ITPR1: variants seen among roughly 807,000 people sequenced by gnomAD.
ITPR1 encodes inositol 1,4,5-trisphosphate-gated calcium channel ITPR1.
A neutral mutation model predicts 318.4 loss-of-function variants in ITPR1; 96 were observed. That is an observed-to-expected ratio of 0.30 (90% confidence interval 0.26 to 0.36). ITPR1 has a LOEUF of 0.36. ITPR1 is among the 10% of genes least tolerant of loss of function. The pLI is 1.00. For missense variants in ITPR1, 2,440 were observed against 3,460.2 expected, an observed-to-expected ratio of 0.71 and a Z score of 7.40; for synonymous variants, 1,312 against 1,289.9, an observed-to-expected ratio of 1.02 and a Z score of -0.37.
intron 44 of ITPR1, among the ~76,000 whole-genome samples, chr3:4,762,403 T>G (rs1411667669): frequency 6.6e-6 from 1 of 152,212 alleles, no homozygotes; most frequent in South Asian, 2.1e-4. Flanking sequence ...GATTCGAGTT[T>G]CAGAGACATT....
intron 2 of ITPR1, among the ~76,000 whole-genome samples, chr3:4,501,103 C>A (rs990511341): frequency 4.0e-5 from 6 of 151,816 alleles, no homozygotes; most frequent in African/African-American, 1.5e-4. Flanking sequence ...CTCAAACGAT[C>A]CTCTCGCCTT....
intron 10 of ITPR1, among the ~76,000 whole-genome samples, chr3:4,646,209 A>G (rs532003157): frequency 1.3e-5 from 2 of 152,362 alleles, no homozygotes; most frequent in Non-Finnish European, 2.9e-5. Flanking sequence ...ATACACCCAG[A>G]TAACTGGAAC....
chr3:4,507,589 G>T (rs549155348), intron 2 of ITPR1, among the ~76,000 whole-genome samples: 5 of 152,290 alleles, frequency 3.3e-5, no homozygotes, highest in African/African-American at 1.2e-4. Flanking sequence ...CTTGTCCTAC[G>T]TTCATCTTTT....
intron 60 of ITPR1, among the ~76,000 whole-genome samples, chr3:4,821,838 C>G (rs1181684483): frequency 1.3e-5 from 2 of 152,086 alleles, no homozygotes; most frequent in African/African-American, 2.4e-5. Flanking sequence ...TAAAGAAGCT[C>G]TGTCTTAAGT....
chr3:4,622,894 A>G (rs2092694213), intron 4 of ITPR1, among the ~76,000 whole-genome samples: 1 of 152,220 alleles, frequency 6.6e-6, no homozygotes, highest in African/African-American at 2.4e-5. Context: ...TGGGCTACCA[A>G]AACATACAAA....
At chr3:4,650,300 G>A (rs1243103454) in intron 10 of ITPR1, among the ~76,000 whole-genome samples, 1 of 152,186 alleles carries the variant, frequency 6.6e-6, no homozygotes, top group Non-Finnish European at 1.5e-5. Context: ...CTGCCAGAAT[G>A]CCTTCCACAG....
rs540002643 is a variant in ITPR1, at chr3:4,678,633, T to C, written c.2967+1832T>C. On this transcript the variant is annotated intron_variant, in intron 24 of 61. Coordinates refer to ENST00000649015, the MANE Select transcript of ITPR1 (RefSeq NM_001378452.1). ...TGTGGAAATAAAACCACCAGAAAGT[T>C]CTTCTGAGACTGGAGTCCGGGAGTG... is the stretch of plus-strand genomic sequence containing the variant. 2.0e-5 allele frequency among the ~76,000 whole-genome samples: 3 copies of C among 152,308 alleles called. No homozygotes were observed. The South Asian group carries it at 6.2e-4, about 32-fold the overall frequency.
chr3:4,814,430 C>G lies in ITPR1; in HGVS notation c.7569C>G (p.Val2523=). ...CSSPAPREEL[V]PAEETEQDKE... is the part of the protein sequence containing the mutation. ...TACTTGCCGTGTTCACAGAGCTGGT[C>G]CCTGCAGAAGAGACGGAACAGGATA... The change falls in exon 58 of 62, where the codon GTC becomes GTG. Residue 2523 remains valine (V), a synonymous_variant. Coordinates refer to ENST00000649015, the MANE Select transcript of ITPR1 (RefSeq NM_001378452.1). 1.2e-6 allele frequency: 2 copies of G among 1,613,930 alleles called. No individual in the cohort carries two copies. The highest frequency in any genetic ancestry group is 2.2e-5 in the East Asian group (1 of 44,880).
At chr3:4,822,329 G>T (rs1478604869) in intron 60 of ITPR1, among the ~76,000 whole-genome samples, 2 of 152,204 alleles carry the variant, frequency 1.3e-5, no homozygotes, top group Non-Finnish European at 2.9e-5. Context: ...CCAAAACTCT[G>T]CAAGACACCT....
intron 4 of ITPR1, among the ~76,000 whole-genome samples, chr3:4,609,051 AAT>A (rs754002503): frequency 0.11 from 5,304 of 46,400 alleles, 315 homozygotes; most frequent in Non-Finnish European, 0.15. Flanking sequence ...ACAACAACGA[AAT>A]ATATATATAT....
intron 39 of ITPR1, among the ~76,000 whole-genome samples, chr3:4,715,193 C>T (rs756115062): frequency 1.7e-4 from 26 of 152,190 alleles, no homozygotes; most frequent in Non-Finnish European, 3.5e-4. Flanking sequence ...ATCCTAGAGT[C>T]CTAGCTCTTC....
At position 4,639,440 on chromosome 3, in the gene ITPR1, G is replaced by A. The variant is rs765293787; in HGVS notation, c.336G>A (p.Gly112=). Residue 112 remains glycine (G), a synonymous_variant, in exon 6 of 62, where the codon GGG becomes GGA. Coordinates refer to ENST00000649015, the MANE Select transcript of ITPR1 (RefSeq NM_001378452.1). Reference sequence around the variant, plus strand: ...AGACAGAAAACAGGAAATTGCTGGGGACCGTAATCCAGTATGGCAATGTGA... The same window carrying A: ...AGACAGAAAACAGGAAATTGCTGGGAACCGTAATCCAGTATGGCAATGTGA... ...QNETENRKLL[G]TVIQYGNVIQ... 6 of 1,582,518 alleles carry A rather than the reference G, an allele frequency of 3.8e-6. No homozygotes were observed. In the African/African-American group the frequency reaches 4.0e-5, roughly 11 times the overall value.
chr3:4,775,818 G>C (rs774781620), intron 47 of ITPR1, among the ~76,000 whole-genome samples: 4 of 152,194 alleles, frequency 2.6e-5, no homozygotes, highest in African/African-American at 9.7e-5. Flanking sequence ...CTGGAAGGGG[G>C]TTTAAGCCTA....
chr3:4,714,442 C>T (rs1286352635), intron 39 of ITPR1, among the ~76,000 whole-genome samples: 1 of 152,158 alleles, frequency 6.6e-6, no homozygotes, highest in Non-Finnish European at 1.5e-5. Context: ...CCTGAGCCTT[C>T]ACCGCCAAAG....
chr3:4,626,347 C>T (rs1041571614), intron 4 of ITPR1, among the ~76,000 whole-genome samples: 1 of 152,084 alleles, frequency 6.6e-6, no homozygotes. Context: ...TTCATATTAT[C>T]ATTAATACCT....
intron 41 of ITPR1, among the ~76,000 whole-genome samples, chr3:4,726,001 A>G (rs2042487804): frequency 6.6e-6 from 1 of 152,194 alleles, no homozygotes; most frequent in South Asian, 2.1e-4. Flanking sequence ...AAAGCTACTA[A>G]TAAACTTGTA....
intron 4 of ITPR1, among the ~76,000 whole-genome samples, chr3:4,596,851 A>G (rs2090867999): frequency 6.6e-6 from 1 of 152,226 alleles, no homozygotes; most frequent in African/African-American, 2.4e-5. Flanking sequence ...GTTGTAATTC[A>G]CATGGAAACA....
chr3:4,833,639 T>TTCCC (rs1159088413), intron 60 of ITPR1, among the ~76,000 whole-genome samples: 1 of 152,186 alleles, frequency 6.6e-6, no homozygotes, highest in Non-Finnish European at 1.5e-5. Context: ...TTCCTTCTGT[T>TTCCC]TCCCTCTAGT....
Position 4,667,547 on chromosome 3 carries a change from C to T in ITPR1, c.1884C>T (p.Pro628=). 1 of 1,612,344 alleles carries T rather than the reference C, an allele frequency of 6.2e-7. No individual in the cohort carries two copies. The highest frequency in any genetic ancestry group is 1.7e-5 in the Admixed American group (1 of 59,956). ...GCCTGGTGCGAAAGAACAGGGAGCCCAGGTGAGGCGGGAGTGGGGTCCATG... is the reference window on the plus strand; with the variant it reads ...GCCTGGTGCGAAAGAACAGGGAGCCTAGGTGAGGCGGGAGTGGGGTCCATG... The part of the protein sequence containing the change: ...FVSLVRKNRE[P]RFLDYLSDLC... The change falls in exon 18 of 62, where the codon CCC becomes CCT. Residue 628 remains proline, a splice_region_variant and synonymous_variant. Coordinates refer to ENST00000649015, the MANE Select transcript of ITPR1 (RefSeq NM_001378452.1).
Sources: gnomAD v4.1 joint callset for allele counts (sites outside exome capture counted in the v4.1 genomes callset) on GRCh38, gnomAD v4.1.1 for gene constraint, MANE v1.5 for transcripts, NCBI Gene and HGNC (gene_info 2026-07-23, HGNC 2026-07-21) for gene names.